LRRK2: variants seen among roughly 807,000 people sequenced by gnomAD.
LRRK2 encodes the protein leucine-rich repeat serine/threonine-protein kinase 2.
Under a neutral mutation model 302.6 loss-of-function variants are expected in LRRK2, and 203 were observed. The ratio of observed to expected loss-of-function variants is 0.67; its 90% CI spans 0.60 to 0.75. The LOEUF is 0.75. LRRK2 is among the 30% of genes least tolerant of loss of function. The pLI, the probability that LRRK2 is intolerant of heterozygous loss-of-function variation, is 0.00. For missense variants in LRRK2, 2,830 were observed against 2,951.0 expected, an observed-to-expected ratio of 0.96 and a Z score of 0.95; for synonymous variants, 1,066 against 1,031.9, an observed-to-expected ratio of 1.03 and a Z score of -0.63.
chr12:40,242,388 T>C (rs1941769705), intron 6 of LRRK2, among the ~76,000 whole-genome samples: 1 of 152,142 alleles, frequency 6.6e-6, no homozygotes, highest in Admixed American at 6.6e-5. Context: ...ACATGTTTTC[T>C]CCATGTAGGT....
At chr12:40,270,053 A>T (rs1019930823) in intron 14 of LRRK2, among the ~76,000 whole-genome samples, 1 of 152,190 alleles carries the variant, frequency 6.6e-6, no homozygotes, top group Non-Finnish European at 1.5e-5. Context: ...TAAAATGGAG[A>T]TAATAACTGA....
intron 22 of LRRK2, 65 bp from the exon 23 acceptor site, chr12:40,295,362 A>C: frequency 3.3e-6 from 5 of 1,502,476 alleles, no homozygotes; most frequent in Non-Finnish European, 4.6e-6. Context: ...TGCTCACTAA[A>C]CTTTTACTAC....
At chr12:40,319,540 ACAGT>A (rs1945333909) in intron 33 of LRRK2, among the ~76,000 whole-genome samples, 2 of 152,144 alleles carry the variant, frequency 1.3e-5, no homozygotes, top group Admixed American at 1.3e-4. Flanking sequence ...ACTCTGCTAC[ACAGT>A]CTGTCTTCCT....
Position 40,335,359 on chromosome 12 carries a change from T to C in LRRK2, c.5948+202T>C, listed in dbSNP as rs76588591. On this transcript the variant is annotated intron_variant, in intron 40 of 50. Coordinates refer to ENST00000298910, the MANE Select transcript of LRRK2 (RefSeq NM_198578.4). ...AAACCATGCAGAACCTCATAGCAAG[T>C]AGTAATAGACTTTGAACCCACAAGT... Among the ~76,000 whole-genome samples, 1,777 of 152,280 alleles carry C rather than the reference T, an allele frequency of 0.012. 39 individuals are homozygous for C. Among genetic ancestry groups the C allele is most frequent in the African/African-American group, 0.041 (1,698 of 41,548 alleles).
chr12:40,362,390 G>A (rs532234258), intron 47 of LRRK2, among the ~76,000 whole-genome samples: 22 of 151,894 alleles, frequency 1.4e-4, no homozygotes, highest in Middle Eastern at 3.4e-3. Context: ...CATATTCCTC[G>A]TTGTTCATTC....
At chr12:40,346,678 G>A in intron 41 of LRRK2, 75 bp from the exon 42 acceptor site, 1 of 1,358,762 alleles carries the variant, frequency 7.4e-7, no homozygotes, top group Non-Finnish European at 1.0e-6. Flanking sequence ...TTGGCATATA[G>A]CCTAAGTGTA....
chr12:40,298,480 C>A lies in LRRK2; in HGVS notation c.3334C>A (p.Leu1112Ile). 1 of 1,613,776 alleles carries A rather than the reference C, an allele frequency of 6.2e-7. No individual in the cohort carries two copies. Among genetic ancestry groups the A allele is most frequent in the Non-Finnish European group, 8.5e-7 (1 of 1,179,920 alleles). The change falls in exon 24 of 51, where the codon CTC (leucine) becomes ATC (isoleucine). Residue 1112 changes from leucine to isoleucine, a missense_variant. By Grantham distance (5) the Leu-to-Ile change is conservative. Around this residue, in one of 3 missense-constraint regions of LRRK2, gnomAD observed 2,121 missense variants for 2,148.0 expected, o/e 0.99. Coordinates refer to ENST00000298910, the MANE Select transcript of LRRK2 (RefSeq NM_198578.4). The part of the protein sequence containing the change: ...LTDVVEKLEQ[L>I]ILEGNKISGI... ...TGATGTGGTAGAGAAACTGGAGCAG[C>A]TCATTTTAGAAGGGTAAGAAAGAGC...
intron 38 of LRRK2, among the ~76,000 whole-genome samples, chr12:40,324,260 G>T (rs888234600): frequency 1.3e-5 from 2 of 152,060 alleles, no homozygotes; most frequent in African/African-American, 2.4e-5. Context: ...AGTAAAAATT[G>T]TATATATTTA....
chr12:40,360,948 A>G (rs1166362699), intron 47 of LRRK2, among the ~76,000 whole-genome samples: 1 of 152,076 alleles, frequency 6.6e-6, no homozygotes, highest in Non-Finnish European at 1.5e-5. Flanking sequence ...CATTGCATCT[A>G]ATGTTTTCCT....
At chr12:40,367,287 A>T (rs1946907906) in intron 50 of LRRK2, 3 of 520,572 alleles carry the variant, frequency 5.8e-6, no homozygotes, top group South Asian at 2.6e-5. Flanking sequence ...GCTGAAGTAG[A>T]GGTGTCAATC....
At chr12:40,336,968 T>C (rs979843278) in intron 40 of LRRK2, among the ~76,000 whole-genome samples, 1 of 152,240 alleles carries the variant, frequency 6.6e-6, no homozygotes, top group African/African-American at 2.4e-5. Flanking sequence ...TGACTTATTC[T>C]AGTTCTCTGA....
intron 14 of LRRK2, among the ~76,000 whole-genome samples, chr12:40,271,259 G>A (rs1943222285): frequency 6.6e-6 from 1 of 152,074 alleles, no homozygotes; most frequent in Non-Finnish European, 1.5e-5. Context: ...TAGCTTATTT[G>A]TCAAAATCAG....
At position 40,257,264 on chromosome 12, in the gene LRRK2, A is replaced by G. The variant is rs71653637; in HGVS notation, c.1305A>G (p.Ile435Met). 3.8e-6 allele frequency: 6 copies of G among 1,570,112 alleles called. No homozygotes were observed. Among genetic ancestry groups the G allele is most frequent in the Non-Finnish European group, 4.4e-6 (5 of 1,140,618 alleles). The change falls in exon 12 of 51, where the codon ATA (isoleucine) becomes ATG (methionine). Residue 435 changes from isoleucine (I) to methionine (M), a missense_variant. Physicochemically the swap from Ile to Met is conservative, Grantham distance 10 (BLOSUM62 1). Transcript: ENST00000298910. ...AAATCTCAGTTAATTTCAGAAAAAT[A>G]CTGTTATCAAAAGGAATACACCTGA... is the stretch of plus-strand genomic sequence containing the variant. ...LLEQNVNFRK[I>M]LLSKGIHLNV...
intron 16 of LRRK2, 93 bp downstream of exon 16, chr12:40,275,086 T>G (rs557586118): frequency 7.5e-7 from 1 of 1,336,914 alleles, no homozygotes; most frequent in African/African-American, 1.4e-5. Context: ...GAATGGGGTA[T>G]TCTAGTTAAT....
At chr12:40,313,016 A>C (rs895915017) in intron 31 of LRRK2, 16 of 152,020 alleles carry the variant, frequency 1.1e-4, no homozygotes, top group Admixed American at 7.9e-4. Flanking sequence ...TTGTCTCTTT[A>C]AGTTTTTAGT....
intron 18 of LRRK2, 135 bp downstream of exon 18, chr12:40,278,396 T>A: frequency 9.3e-7 from 1 of 1,070,740 alleles, no homozygotes; most frequent in Non-Finnish European, 1.4e-6. Context: ...CAATTGTTTG[T>A]GTCTTGTAGT....
intron 41 of LRRK2, among the ~76,000 whole-genome samples, chr12:40,345,634 AAAAAAAAAAAAG>A (rs1946169807): frequency 6.7e-6 from 1 of 148,604 alleles, no homozygotes; most frequent in Non-Finnish European, 1.5e-5. Flanking sequence ...AAAAAAAAAA[AAAAAAAAAAAAG>A]AAAGAAAGAG....
chr12:40,340,321 C>T lies in LRRK2; in HGVS notation c.5976C>T (p.Tyr1992=). The change falls in exon 41 of 51, where the codon TAC becomes TAT. Residue 1992 remains tyrosine (Y), a synonymous_variant. Transcript: ENST00000298910. The part of the protein sequence containing the change: ...LRYLHSAMII[Y]RDLKPHNVLL... ...ACCTCCACTCAGCCATGATTATATA[C>T]CGAGACCTGAAACCCCACAATGTGC... 6.2e-7 allele frequency: 1 copy of T among 1,613,810 alleles called. No individual in the cohort carries two copies. The highest frequency in any genetic ancestry group is 8.5e-7 in the Non-Finnish European group (1 of 1,179,778).
At chr12:40,335,330 A>G (rs543501768) in intron 40 of LRRK2, among the ~76,000 whole-genome samples, 173 bp downstream of exon 40, 4 of 152,236 alleles carry the variant, frequency 2.6e-5, no homozygotes, top group Non-Finnish European at 5.9e-5. Context: ...AAATAAGAGT[A>G]TGGAAACCAT....
Sources: gnomAD v4.1 joint callset for allele counts (sites outside exome capture counted in the v4.1 genomes callset) on GRCh38, gnomAD v4.1.1 for gene constraint, gnomAD v4.1.1 regional missense constraint, MANE v1.5 for transcripts, NCBI Gene and HGNC (gene_info 2026-07-23, HGNC 2026-07-21) for gene names.